The following LDLRAD2 variants were observed in gnomAD, a reference collection of about 807,000 sequenced individuals.
The protein encoded by LDLRAD2 is low density lipoprotein receptor class A domain containing 2.
LDLRAD2 carries 25 observed loss-of-function variants against 24.9 expected under a neutral mutation model. That is an observed-to-expected ratio of 1.00 (90% CI 0.73 to 1.40). The LOEUF (loss-of-function observed/expected upper bound fraction) is 1.40, where lower values mean the gene tolerates loss of function less well. Among genes scored for constraint, LDLRAD2 ranks in the 40% most tolerant of loss-of-function variants. LDLRAD2 has a pLI of 0.00. For synonymous variants in LDLRAD2, 182 were observed against 166.7 expected, an observed-to-expected ratio of 1.09 and a Z score of -0.71; for missense variants, 391 against 366.2, an observed-to-expected ratio of 1.07 and a Z score of -0.55.
chr1:21,813,293 C>T (rs569885448), intron 1 of LDLRAD2, among the ~76,000 whole-genome samples: 30 of 148,272 alleles, frequency 2.0e-4, no homozygotes, highest in African/African-American at 7.1e-4. Context: ...GACTCCGTCT[C>T]AAAGAAATAA....
Position 21,824,166 on chromosome 1 carries a change from T to TG in LDLRAD2, c.*1951_*1952insG. The TG allele has an allele frequency of 6.2e-7, 1 of 1,613,594 alleles. No homozygotes were observed. The highest frequency in any genetic ancestry group is 8.5e-7 in the Non-Finnish European group (1 of 1,180,000). ...CCACTCGCCGTCATTGATGGGGTCCTCAGAGACCAGGCGGGCCTCCCCACT... is the reference window on the plus strand; with the variant it reads ...CCACTCGCCGTCATTGATGGGGTCCTGCAGAGACCAGGCGGGCCTCCCCACT... On this transcript the variant is annotated 3_prime_UTR_variant, in exon 5 of 5. Coordinates refer to ENST00000344642, the MANE Select transcript of LDLRAD2 (RefSeq NM_001013693.3). The surrounding 1 kb of genome is among the most constrained non-coding windows in gnomAD (Gnocchi z 5.9).
At position 21,823,731 on chromosome 1, in the gene LDLRAD2, C is replaced by T. The variant is rs765993856; in HGVS notation, c.*1516C>T. 5 of 1,608,052 alleles carry T rather than the reference C, an allele frequency of 3.1e-6. No homozygotes were observed. The highest frequency in any genetic ancestry group is 4.3e-6 in the Non-Finnish European group (5 of 1,175,488). On this transcript the variant is annotated 3_prime_UTR_variant, in exon 5 of 5. Coordinates refer to ENST00000344642, the MANE Select transcript of LDLRAD2 (RefSeq NM_001013693.3). Reference sequence around the variant, plus strand: ...CTCTGCGGCCCTCCCTGCAGTGGAACTGGGTCAGGCCCCTTTCCACAAACT... The same window carrying T: ...CTCTGCGGCCCTCCCTGCAGTGGAATTGGGTCAGGCCCCTTTCCACAAACT...
chr1:21,817,310 C>A (rs917791537), intron 3 of LDLRAD2, among the ~76,000 whole-genome samples: 1 of 152,132 alleles, frequency 6.6e-6, no homozygotes, highest in Non-Finnish European at 1.5e-5. Context: ...CCTGGGGGAG[C>A]CTTCTTTTTC....
intron 1 of LDLRAD2, among the ~76,000 whole-genome samples, chr1:21,813,400 A>G (rs150966310): frequency 6.6e-6 from 1 of 152,284 alleles, no homozygotes; most frequent in African/African-American, 2.4e-5. Flanking sequence ...GAAATACCAA[A>G]TATTGGAAAG....
chr1:21,824,243 G>A lies in LDLRAD2; in HGVS notation c.*2028G>A. The A allele has an allele frequency of 6.2e-7, 1 of 1,613,306 alleles. No individual in the cohort carries two copies. The highest frequency in any genetic ancestry group is 1.1e-5 in the South Asian group (1 of 91,078). On this transcript the variant is annotated 3_prime_UTR_variant, in exon 5 of 5. Transcript: ENST00000344642. This position sits in a 1 kb window ranked among gnomAD's most constrained non-coding sequence, Gnocchi z 5.9. ...GGCCCAAGAAGTATGAGCTGGGGCA[G>A]GACCGGGGGGTGGGGTGCTGGGACC...
At position 21,822,255 on chromosome 1, in the gene LDLRAD2, G is replaced by A. The variant is rs2097953604; in HGVS notation, c.*40G>A. The A allele has an allele frequency of 6.3e-7, 1 of 1,595,554 alleles. No individual in the cohort carries two copies. The highest frequency in any genetic ancestry group is 1.3e-5 in the African/African-American group (1 of 74,680). Reference sequence around the variant, plus strand: ...ACTCAGGAGGCCCCTGGCGGGGATAGCACCGTTTATTAAGAAAAATCAAGA... The same window carrying A: ...ACTCAGGAGGCCCCTGGCGGGGATAACACCGTTTATTAAGAAAAATCAAGA... On this transcript the variant is annotated 3_prime_UTR_variant, in exon 5 of 5. Coordinates refer to ENST00000344642, the MANE Select transcript of LDLRAD2 (RefSeq NM_001013693.3).
At chr1:21,815,492 G>A (rs79728692) in intron 2 of LDLRAD2, among the ~76,000 whole-genome samples, 41 of 152,242 alleles carry the variant, frequency 2.7e-4, no homozygotes, top group African/African-American at 9.9e-4. Context: ...AATAATACTC[G>A]CCCAACTGGG....
In LDLRAD2 at chr1:21,812,509, G is replaced by A. The variant is rs749156607; in HGVS notation, c.58G>A (p.Ala20Thr). 1.7e-5 allele frequency: 27 copies of A among 1,613,972 alleles called. No individual in the cohort carries two copies. Among genetic ancestry groups the A allele is most frequent in the East Asian group, 1.1e-4 (5 of 44,900 alleles). ...AAGGTTGCTCTTGCTGGGGGCAGCC[G>A]CCCTGACTGCAACTGCTTTGGAGAC... is the stretch of plus-strand genomic sequence containing the variant. ...PQRLLLLGAA[A>T]LTATALETAD... Residue 20 changes from alanine (A) to threonine (T), a missense_variant, in exon 1 of 5, where the codon GCC becomes ACC. By Grantham distance (58) the Ala-to-Thr change is moderately conservative (BLOSUM62 0). Transcript: ENST00000344642.
chr1:21,814,407 C>A lies in LDLRAD2; in HGVS notation c.95C>A (p.Ala32Glu). Residue 32 changes from alanine (A) to glutamate (E), a missense_variant, in exon 2 of 5, where the codon GCG becomes GAG. Transcript: ENST00000344642. ...TATALETADL[A>E]ELCGQTWQGD... ...GTGCCTTCCGCTGCAGCCGACCTGGCGGAACTGTGCGGGCAGACGTGGCAG... is the reference window on the plus strand; with the variant it reads ...GTGCCTTCCGCTGCAGCCGACCTGGAGGAACTGTGCGGGCAGACGTGGCAG... The A allele has an allele frequency of 1.3e-6, 2 of 1,596,796 alleles. No homozygotes were observed. Among genetic ancestry groups the A allele is most frequent in the Non-Finnish European group, 1.7e-6 (2 of 1,171,356 alleles).
At chr1:21,815,694 G>C (rs956758548) in intron 2 of LDLRAD2, among the ~76,000 whole-genome samples, 2 of 152,190 alleles carry the variant, frequency 1.3e-5, no homozygotes, top group African/African-American at 4.8e-5. Flanking sequence ...TAGGGGTATT[G>C]TGAGGCCTCA....
In LDLRAD2 at chr1:21,823,422, T is replaced by C. The variant is rs533311782; in HGVS notation, c.*1207T>C. The stretch of plus-strand genomic sequence containing the variant: ...TCGGGCCGAGTGCAGCACCAGGTTC[T>C]TGACACAGCCTGTGATGCCTGAGGA... On this transcript the variant is annotated 3_prime_UTR_variant, in exon 5 of 5. Transcript: ENST00000344642. 5 of 1,587,094 alleles carry C rather than the reference T, an allele frequency of 3.2e-6. No individual in the cohort carries two copies. The highest frequency in any genetic ancestry group is 3.5e-5 in the Admixed American group (2 of 57,806).
intron 1 of LDLRAD2, among the ~76,000 whole-genome samples, chr1:21,814,162 G>C (rs1339974818): frequency 6.6e-6 from 1 of 152,170 alleles, no homozygotes. Flanking sequence ...GAGCCACTGC[G>C]CTCGGCCCCG....
rs1018280741 is a variant in LDLRAD2, at chr1:21,823,934, C to T, written c.*1719C>T. On this transcript the variant is annotated 3_prime_UTR_variant, in exon 5 of 5. Transcript: ENST00000344642. The stretch of plus-strand genomic sequence containing the variant: ...GGTTTCCTCCCACTCCTGGGGCACT[C>T]GCCTGCCCCCAGCGGAGTTCAGTCC... The T allele has an allele frequency of 1.1e-5, 8 of 749,552 alleles. No individual in the cohort carries two copies. Among genetic ancestry groups the T allele is most frequent in the East Asian group, 5.4e-5 (2 of 37,284 alleles). 46.4% of individuals were successfully genotyped at this position (749,552 alleles called of 1,614,324 possible).
chr1:21,823,209 G>T lies in LDLRAD2; in HGVS notation c.*994G>T. ...CCCAGGGCGGTAGCAGCAAAGCGTG[G>T]CATCGCCTCGGTTTCTTACAAAAAT... On this transcript the variant is annotated 3_prime_UTR_variant, in exon 5 of 5. Coordinates refer to ENST00000344642, the MANE Select transcript of LDLRAD2 (RefSeq NM_001013693.3). 9.1e-7 allele frequency: 1 copy of T among 1,093,984 alleles called. No individual in the cohort carries two copies. The highest frequency in any genetic ancestry group is 1.2e-6 in the Non-Finnish European group (1 of 809,346). The allele number at this position is 1,093,984 out of a possible 1,614,324, so 67.8% of individuals were successfully genotyped here.
At chr1:21,818,248 G>T (rs1320660677) in intron 3 of LDLRAD2, among the ~76,000 whole-genome samples, 1 of 149,578 alleles carries the variant, frequency 6.7e-6, no homozygotes, top group Non-Finnish European at 1.5e-5. Flanking sequence ...CTGACCTCAA[G>T]TGATCCACCC....
chr1:21,813,275 CAG>C (rs1307585901), intron 1 of LDLRAD2, among the ~76,000 whole-genome samples: 4 of 151,694 alleles, frequency 2.6e-5, no homozygotes, highest in Non-Finnish European at 5.9e-5. Context: ...AGCCTGGCAA[CAG>C]AGAGAGACTC....
intron 3 of LDLRAD2, 76 bp from the exon 4 acceptor site, chr1:21,821,374 T>G: frequency 1.5e-5 from 24 of 1,576,494 alleles, no homozygotes; most frequent in Non-Finnish European, 2.0e-5. Flanking sequence ...GGAAGTCTTG[T>G]GAGGATTGAA....
chr1:21,818,835 T>G (rs2097947009), intron 3 of LDLRAD2, among the ~76,000 whole-genome samples: 1 of 151,368 alleles, frequency 6.6e-6, no homozygotes, highest in African/African-American at 2.4e-5. Flanking sequence ...GCCCTGCCCC[T>G]TCTTTCCTGG....
rs755849389 is a variant in LDLRAD2, at chr1:21,823,688, C to T, written c.*1473C>T. ...GACCGGCCGCTGACCAGCTCCTCAC[C>T]GTCGACTTGGATGGAACCTCTGCGG... is the stretch of plus-strand genomic sequence containing the variant. On this transcript the variant is annotated 3_prime_UTR_variant, in exon 5 of 5. Transcript: ENST00000344642. 5.0e-6 allele frequency: 8 copies of T among 1,613,668 alleles called. No individual in the cohort carries two copies. The highest frequency in any genetic ancestry group is 4.5e-5 in the East Asian group (2 of 44,884).
Sources: allele counts gnomAD v4.1 joint callset (sites outside exome capture counted in the v4.1 genomes callset), GRCh38; gene constraint gnomAD v4.1.1; non-coding constraint Gnocchi (gnomAD v3.1); transcripts MANE v1.5; gene names NCBI Gene and HGNC (gene_info 2026-07-23, HGNC 2026-07-21).